DLG2: variants seen among roughly 807,000 people sequenced by gnomAD.
DLG2 encodes disks large homolog 2.
Under a neutral mutation model 132.5 loss-of-function variants are expected in DLG2, and 45 were observed. The ratio of observed to expected loss-of-function variants is 0.34; its 90% CI spans 0.27 to 0.44. The LOEUF (loss-of-function observed/expected upper bound fraction) is 0.44. DLG2 is among the 20% of genes least tolerant of loss of function. The pLI, the probability that DLG2 is intolerant of heterozygous loss-of-function variation, is 1.00. For missense variants in DLG2, 1,045 were observed against 1,196.9 expected, an observed-to-expected ratio of 0.87 and a Z score of 1.87; for synonymous variants, 424 against 419.6, an observed-to-expected ratio of 1.01 and a Z score of -0.13.
chr11:84,934,187 T>C (rs2048416568), intron 6 of DLG2, among the ~76,000 whole-genome samples: 1 of 152,190 alleles, frequency 6.6e-6, no homozygotes, highest in South Asian at 2.1e-4. Flanking sequence ...TTGATTTGTG[T>C]ATGTTGAACC....
At chr11:84,144,398 T>C (rs776605833) in intron 9 of DLG2, among the ~76,000 whole-genome samples, 2 of 152,230 alleles carry the variant, frequency 1.3e-5, no homozygotes, top group African/African-American at 2.4e-5. Flanking sequence ...TTCGTGCTCA[T>C]AGAGAAGGGT....
At chr11:85,356,776 GTAGATAGATAGATAGATAGA>G (rs58735940) in intron 3 of DLG2, among the ~76,000 whole-genome samples, 49 of 147,398 alleles carry the variant, frequency 3.3e-4, no homozygotes, top group South Asian at 2.0e-3. Flanking sequence ...CAGTAGGTAA[GTAGATAGATAGATAGATAGA>G]TAGATAGATA....
At chr11:85,038,378 G>C (rs969615292) in intron 6 of DLG2, among the ~76,000 whole-genome samples, 1 of 151,884 alleles carries the variant, frequency 6.6e-6, no homozygotes, top group African/African-American at 2.4e-5. Flanking sequence ...AATAGTAATT[G>C]CTGACAATTC....
At chr11:83,987,817 C>A (rs1470775925) in intron 11 of DLG2, among the ~76,000 whole-genome samples, 1 of 152,142 alleles carries the variant, frequency 6.6e-6, no homozygotes, top group Non-Finnish European at 1.5e-5. Context: ...TTAATAATAG[C>A]CATCTCTCTG....
intron 5 of DLG2, among the ~76,000 whole-genome samples, chr11:85,147,019 G>C (rs1028842474): frequency 6.6e-6 from 1 of 152,162 alleles, no homozygotes; most frequent in African/African-American, 2.4e-5. Context: ...GAGTTCCAAT[G>C]CAATGTCTCA....
rs189079052 is a variant in DLG2 at position 85,379,677 on chromosome 11, A to G, written c.41-94312T>C. On this transcript the variant is annotated intron_variant, in intron 3 of 27. Coordinates refer to ENST00000376104, the MANE Select transcript of DLG2 (RefSeq NM_001142699.3). ...TACTTCCAGGAAATTAGTAAACACT[A>G]TCTAATCCAGGCTCTCCCACAACAC... Among the ~76,000 whole-genome samples the G allele has an allele frequency of 1.3e-4, 20 of 152,282 alleles. 1 individual carries two copies. Among genetic ancestry groups the G allele is most frequent in the African/African-American group, 3.8e-4 (16 of 41,572 alleles).
At chr11:83,770,880 C>G (rs2153789831) in intron 18 of DLG2, among the ~76,000 whole-genome samples, 1 of 152,180 alleles carries the variant, frequency 6.6e-6, no homozygotes, top group South Asian at 2.1e-4. Context: ...AGAAAATCCA[C>G]TTTTTTTGCT....
At chr11:85,294,749 C>T (rs1007818456) in intron 3 of DLG2, among the ~76,000 whole-genome samples, 2 of 152,126 alleles carry the variant, frequency 1.3e-5, no homozygotes, top group Non-Finnish European at 2.9e-5. Flanking sequence ...CCAGGAGTCA[C>T]TTCTTCCATA....
chr11:84,155,856 G>A (rs79292785), intron 9 of DLG2, among the ~76,000 whole-genome samples: 6,776 of 152,016 alleles, frequency 0.045, 480 homozygotes, highest in African/African-American at 0.15. Context: ...AATATACCAA[G>A]GAGTTTAAAC....
intron 3 of DLG2, among the ~76,000 whole-genome samples, chr11:85,302,613 G>C (rs1238846482): frequency 6.7e-6 from 1 of 149,594 alleles, no homozygotes; most frequent in Non-Finnish European, 1.5e-5. Context: ...GTGGTGATAG[G>C]CTAATCCAAT....
intron 3 of DLG2, among the ~76,000 whole-genome samples, chr11:85,337,362 G>A (rs1028451646): frequency 2.6e-5 from 4 of 151,992 alleles, no homozygotes; most frequent in African/African-American, 4.8e-5. Context: ...ATGATTACAC[G>A]CCTGAACCAT....
At chr11:84,098,832 T>C in intron 10 of DLG2, 91 bp downstream of exon 10, 7 of 1,453,516 alleles carry the variant, frequency 4.8e-6, no homozygotes, top group Non-Finnish European at 6.5e-6. Flanking sequence ...TACAGAACTT[T>C]TGTAGAATTA....
chr11:84,673,129 A>G (rs931419973), intron 6 of DLG2, among the ~76,000 whole-genome samples: 1 of 152,110 alleles, frequency 6.6e-6, no homozygotes, highest in Non-Finnish European at 1.5e-5. Flanking sequence ...ACAATTTGAC[A>G]TGACATTTGG....
intron 15 of DLG2, among the ~76,000 whole-genome samples, chr11:83,874,711 G>C (rs1469088070): frequency 6.6e-6 from 1 of 151,952 alleles, no homozygotes; most frequent in Non-Finnish European, 1.5e-5. Flanking sequence ...TATTTAAAAT[G>C]TTTTTGAACA....
At chr11:84,974,440 C>G (rs1277183426) in intron 6 of DLG2, among the ~76,000 whole-genome samples, 2 of 152,134 alleles carry the variant, frequency 1.3e-5, no homozygotes, top group Non-Finnish European at 2.9e-5. Context: ...TGTAGAATGG[C>G]CATAATTATA....
intron 6 of DLG2, among the ~76,000 whole-genome samples, chr11:85,037,523 G>T (rs1451008644): frequency 6.6e-6 from 1 of 152,240 alleles, no homozygotes; most frequent in Admixed American, 6.5e-5. Flanking sequence ...CCTCAGGAGA[G>T]TATAATGACA....
intron 18 of DLG2, among the ~76,000 whole-genome samples, chr11:83,771,446 T>C (rs2094388359): frequency 6.6e-6 from 1 of 152,208 alleles, no homozygotes; most frequent in South Asian, 2.1e-4. Context: ...TTATGTCTTT[T>C]GGTGTCACGG....
intron 18 of DLG2, chr11:83,725,016 G>A (rs575102872): frequency 3.0e-6 from 2 of 658,810 alleles, no homozygotes; most frequent in East Asian, 2.7e-5. Context: ...AAGCCTGTTA[G>A]GAGTGAAGCA....
intron 9 of DLG2, among the ~76,000 whole-genome samples, chr11:84,137,452 G>A (rs931510787): frequency 3.9e-5 from 6 of 152,032 alleles, no homozygotes; most frequent in African/African-American, 1.4e-4. Flanking sequence ...GTGTGTGTGT[G>A]TATGTGTGTG....
Sources: gnomAD v4.1 joint callset for allele counts (sites outside exome capture counted in the v4.1 genomes callset) on GRCh38, gnomAD v4.1.1 for gene constraint, MANE v1.5 for transcripts, NCBI Gene and HGNC (gene_info 2026-07-23, HGNC 2026-07-21) for gene names.